CYTH1: variants seen among roughly 807,000 people sequenced by gnomAD.
CYTH1 encodes the protein cytohesin 1, also known as cytohesin-1.
CYTH1 carries 18 observed loss-of-function variants against 61.8 expected under a neutral mutation model. The ratio of observed to expected loss-of-function variants is 0.29; its 90% CI spans 0.20 to 0.43. CYTH1 has a LOEUF of 0.43. CYTH1 is among the 20% of genes least tolerant of loss of function. CYTH1 has a pLI of 1.00. For synonymous variants in CYTH1, 174 were observed against 184.3 expected (o/e 0.94, Z 0.45); for missense variants, 336 against 510.5 (o/e 0.66, Z 3.29).
chr17:78,707,131 T>C (rs537745650), intron 3 of CYTH1, among the ~76,000 whole-genome samples: 2 of 152,290 alleles, frequency 1.3e-5, no homozygotes, highest in African/African-American at 2.4e-5. Context: ...AAATGGACAA[T>C]ACAGAGACTG....
At chr17:78,746,476 G>C (rs2093359737) in intron 1 of CYTH1, among the ~76,000 whole-genome samples, 3 of 152,180 alleles carry the variant, frequency 2.0e-5, no homozygotes. Context: ...AAGACCCACA[G>C]TGACAGTGCG....
intron 1 of CYTH1, among the ~76,000 whole-genome samples, chr17:78,761,313 T>C (rs2093427738): frequency 6.6e-6 from 1 of 152,188 alleles, no homozygotes; most frequent in Non-Finnish European, 1.5e-5. Context: ...CTTTTTCTAG[T>C]CCTGCTCTAG....
intron 1 of CYTH1, among the ~76,000 whole-genome samples, chr17:78,760,373 A>G (rs1317736503): frequency 4.8e-5 from 3 of 62,628 alleles, no homozygotes; most frequent in Non-Finnish European, 9.4e-5. Context: ...ATATATATAT[A>G]TATATATATA....
At chr17:78,709,775 G>A (rs372090916) in intron 1 of CYTH1, 43 bp from the exon 2 acceptor site, 39 of 1,587,258 alleles carry the variant, frequency 2.5e-5, no homozygotes, top group African/African-American at 1.9e-4. Flanking sequence ...CTTTTATCTC[G>A]CCAAAAATCA....
rs1397007947 is a variant in CYTH1, at chr17:78,752,692, G to A, written c.22+29510C>T. Reference sequence around the variant, plus strand: ...GATCCACCCGCCTCAGCCTCCCAATGTGCTGAGATTACAGGCGTGAGCCAC... The same window carrying A: ...GATCCACCCGCCTCAGCCTCCCAATATGCTGAGATTACAGGCGTGAGCCAC... On this transcript the variant is annotated intron_variant, in intron 1 of 13. Transcript: ENST00000446868. Among the ~76,000 whole-genome samples, 11 of 152,162 alleles carry A rather than the reference G, an allele frequency of 7.2e-5. No homozygotes were observed. The East Asian group carries it at 1.9e-3, about 27-fold the overall frequency.
chr17:78,680,956 A>C lies in CYTH1; in HGVS notation c.963+15T>G, dbSNP rs1268187739. On this transcript the variant is annotated intron_variant, in intron 12 of 13. Transcript: ENST00000446868. The stretch of plus-strand genomic sequence containing the variant: ...CCCCTTTCTCCCCTCAAAATATCTC[A>C]GCAAAAATACTCACTGGTTTTTTGG... 1 of 1,613,462 alleles carries C rather than the reference A, an allele frequency of 6.2e-7. No individual in the cohort carries two copies. The highest frequency in any genetic ancestry group is 8.5e-7 in the Non-Finnish European group (1 of 1,179,670).
intron 1 of CYTH1, among the ~76,000 whole-genome samples, chr17:78,776,072 T>C (rs991794778): frequency 6.6e-6 from 1 of 152,104 alleles, no homozygotes; most frequent in Non-Finnish European, 1.5e-5. Context: ...GGAGAATCAC[T>C]TGAACCCAGG....
chr17:78,705,862 G>A (rs2093059802), intron 3 of CYTH1, among the ~76,000 whole-genome samples: 1 of 152,140 alleles, frequency 6.6e-6, no homozygotes. Context: ...ATGCACTCAC[G>A]TTCCTGGTGT....
intron 1 of CYTH1, among the ~76,000 whole-genome samples, chr17:78,765,325 C>T (rs968535090): frequency 2.0e-5 from 3 of 152,126 alleles, no homozygotes; most frequent in African/African-American, 7.2e-5. Flanking sequence ...AGGTTGGAAT[C>T]CCTATTTCTT....
At chr17:78,690,542 C>A (rs1567831555) in intron 11 of CYTH1, among the ~76,000 whole-genome samples, 2 of 139,370 alleles carry the variant, frequency 1.4e-5, no homozygotes, top group East Asian at 2.3e-4. Context: ...GAAAACAAAA[C>A]AAAAAAAAAC....
In CYTH1 at chr17:78,761,554, C is replaced by T. The variant is rs975305413; in HGVS notation, c.22+20648G>A. 5.3e-5 allele frequency among the ~76,000 whole-genome samples: 8 copies of T among 152,078 alleles called. No homozygotes were observed. In the South Asian group the frequency reaches 6.2e-4, roughly 12 times the overall value. ...GAGATCCAGACCAGCCTGGCTAACA[C>T]GGTGAAACCCCGTCTCTACTAAAAA... On this transcript the variant is annotated intron_variant, in intron 1 of 13. Transcript: ENST00000446868.
chr17:78,701,786 AG>A (rs1388741442), intron 5 of CYTH1, 35 bp from the exon 6 acceptor site: 2 of 1,604,316 alleles, frequency 1.2e-6, no homozygotes. Flanking sequence ...GAGAGAAAGC[AG>A]GAGTCAGGCA....
intron 1 of CYTH1, among the ~76,000 whole-genome samples, chr17:78,711,876 G>A (rs1378145431): frequency 1.3e-5 from 2 of 151,744 alleles, no homozygotes; most frequent in African/African-American, 4.8e-5. Context: ...AGCCCATTGG[G>A]ACCAGCATGG....
chr17:78,781,054 A>T (rs1003317667), intron 1 of CYTH1, among the ~76,000 whole-genome samples: 4 of 151,570 alleles, frequency 2.6e-5, no homozygotes. Flanking sequence ...AAAATAAAAT[A>T]AAAAATTAGC....
chr17:78,706,063 T>C (rs1014474570), intron 3 of CYTH1, among the ~76,000 whole-genome samples: 1 of 152,238 alleles, frequency 6.6e-6, no homozygotes, highest in African/African-American at 2.4e-5. Context: ...TTTCTGTATT[T>C]TACCAATTTT....
chr17:78,703,722 T>C (rs1041079867), intron 3 of CYTH1, among the ~76,000 whole-genome samples: 8 of 152,206 alleles, frequency 5.3e-5, no homozygotes. Flanking sequence ...TTCATTAGCA[T>C]AATGTTGTCA....
intron 1 of CYTH1, among the ~76,000 whole-genome samples, chr17:78,727,338 C>A (rs1598887542): frequency 6.6e-6 from 1 of 152,174 alleles, no homozygotes; most frequent in East Asian, 1.9e-4. Flanking sequence ...TCTTTAAATT[C>A]TATTCCACTC....
intron 1 of CYTH1, among the ~76,000 whole-genome samples, chr17:78,763,081 C>T (rs376674957): frequency 6.6e-6 from 1 of 152,128 alleles, no homozygotes; most frequent in Admixed American, 6.5e-5. Flanking sequence ...CGGTGGCTCA[C>T]GCCTGTAATC....
chr17:78,725,126 T>C (rs1343298044), intron 1 of CYTH1, among the ~76,000 whole-genome samples: 1 of 152,142 alleles, frequency 6.6e-6, no homozygotes, highest in African/African-American at 2.4e-5. Flanking sequence ...TTTCCCGGGA[T>C]CCACCAGAGT....
Sources: allele counts gnomAD v4.1 joint callset (sites outside exome capture counted in the v4.1 genomes callset), GRCh38; gene constraint gnomAD v4.1.1; transcripts MANE v1.5; gene names NCBI Gene and HGNC (gene_info 2026-07-23, HGNC 2026-07-21).